Variants in NR1H4 observed in about 807,000 individuals in gnomAD.
NR1H4 encodes the protein nuclear receptor subfamily 1 group H member 4, also known as bile acid receptor.
Under a neutral mutation model 58.5 loss-of-function variants are expected in NR1H4, and 23 were observed. The ratio of observed to expected loss-of-function variants is 0.39; its 90% CI spans 0.28 to 0.56. The LOEUF is 0.56. NR1H4 is among the 20% of genes least tolerant of loss of function. The pLI is 0.58. For missense variants in NR1H4, 487 were observed against 576.9 expected, an observed-to-expected ratio of 0.84 and a Z score of 1.60; for synonymous variants, 214 against 198.0, an observed-to-expected ratio of 1.08 and a Z score of -0.68.
intron 4 of NR1H4, among the ~76,000 whole-genome samples, chr12:100,515,909 G>A (rs190144529): frequency 6.6e-6 from 1 of 152,198 alleles, no homozygotes; most frequent in South Asian, 2.1e-4. Flanking sequence ...TGGACCAGCA[G>A]TATCAGTATC....
At chr12:100,475,151 ATCTATCT>A (rs1318431961) in intron 1 of NR1H4, among the ~76,000 whole-genome samples, 2 of 142,334 alleles carry the variant, frequency 1.4e-5, no homozygotes, top group Admixed American at 6.7e-5. Flanking sequence ...CTATCTATCT[ATCTATCT>A]AAATTTTTTT....
chr12:100,527,177 G>C (rs1954579760), intron 4 of NR1H4, among the ~76,000 whole-genome samples: 1 of 152,202 alleles, frequency 6.6e-6, no homozygotes, highest in Admixed American at 6.5e-5. Context: ...CATGTCTCAA[G>C]ATAATTTTTA....
At chr12:100,477,461 T>C (rs767715918) in intron 1 of NR1H4, among the ~76,000 whole-genome samples, 6 of 152,338 alleles carry the variant, frequency 3.9e-5, no homozygotes, top group Non-Finnish European at 7.3e-5. Context: ...TTCCCAGGTC[T>C]CAATGAACCT....
chr12:100,511,057 G>A lies in NR1H4; in HGVS notation c.359G>A (p.Arg120Lys), dbSNP rs757416710. The change falls in exon 4 of 11, where the codon AGG becomes AAG. Residue 120 changes from arginine (R) to lysine (K), a missense_variant. Transcript: ENST00000392986. ...CCCCGCATGGGCGCGTCAGCAGGGA[G>A]GATCAAAGGGGATGAGCTGTGTGTT... ...KKPRMGASAG[R>K]IKGDELCVVC... 6.2e-7 allele frequency: 1 copy of A among 1,614,248 alleles called. No homozygotes were observed. The highest frequency in any genetic ancestry group is 2.2e-5 in the East Asian group (1 of 44,886).
At chr12:100,555,312 T>C (rs1272873231) in intron 9 of NR1H4, among the ~76,000 whole-genome samples, 2 of 152,152 alleles carry the variant, frequency 1.3e-5, no homozygotes, top group African/African-American at 4.8e-5. Context: ...GAAGAAAGCA[T>C]AAAGATTGAC....
chr12:100,522,744 A>T (rs917000040), intron 4 of NR1H4, among the ~76,000 whole-genome samples: 1 of 152,058 alleles, frequency 6.6e-6, no homozygotes. Flanking sequence ...AGTCTATTAT[A>T]CACTCTGTAT....
At chr12:100,556,469 AAG>A (rs1229666314) in intron 9 of NR1H4, among the ~76,000 whole-genome samples, 26 of 149,834 alleles carry the variant, frequency 1.7e-4, no homozygotes, top group Non-Finnish European at 2.5e-4. Context: ...CTCCGTCTCA[AAG>A]AAAAAAAAAA....
rs199813041 is a variant in NR1H4, at chr12:100,513,801, AAAGGAAGGAAGGAAGGAAGGAAGGAAGG to A, written c.445+2701_445+2728del. ...CAGAGCGAGACTCCGTCAAAGACAGAAAGGAAGGAAGGAAGGAAGGAAGGAAGGAAGGAAGGAAGGAAGGAAGGAAGGA... is the reference window on the plus strand; with the variant it reads ...CAGAGCGAGACTCCGTCAAAGACAGAAAGGAAGGAAGGAAGGAAGGAAGGA... On this transcript the variant is annotated intron_variant, in intron 4 of 10. Transcript: ENST00000392986. Among the ~76,000 whole-genome samples, 480 of 115,990 alleles carry A rather than the reference AAAGGAAGGAAGGAAGGAAGGAAGGAAGG, an allele frequency of 4.1e-3. 3 individuals carry two copies. Among genetic ancestry groups the A allele is most frequent in the East Asian group, 0.019 (85 of 4,488 alleles). The allele number at this position is 115,990 out of a possible 152,430, so 76.1% of individuals were successfully genotyped here.
Position 100,563,510 on chromosome 12 carries a change from T to A in NR1H4, c.*21T>A, listed in dbSNP as rs768665249. Reference sequence around the variant, plus strand: ...AGTGATGGGGATTACAGGGGAGGGGTCTAGCTCCTTTTTCTCTCTCATATT... The same window carrying A: ...AGTGATGGGGATTACAGGGGAGGGGACTAGCTCCTTTTTCTCTCTCATATT... On this transcript the variant is annotated 3_prime_UTR_variant, in exon 11 of 11. Coordinates refer to ENST00000392986, the MANE Select transcript of NR1H4 (RefSeq NM_001206979.2). The A allele has an allele frequency of 6.4e-7, 1 of 1,562,832 alleles. No homozygotes were observed. The highest frequency in any genetic ancestry group is 1.1e-5 in the South Asian group (1 of 90,022).
chr12:100,480,523 C>G (rs976120044), intron 1 of NR1H4, among the ~76,000 whole-genome samples: 1 of 152,100 alleles, frequency 6.6e-6, no homozygotes, highest in Non-Finnish European at 1.5e-5. Context: ...AACAGGACCC[C>G]CATCTTCCCA....
At chr12:100,557,275 A>G (rs912096972) in intron 9 of NR1H4, among the ~76,000 whole-genome samples, 9 of 152,220 alleles carry the variant, frequency 5.9e-5, no homozygotes, top group Non-Finnish European at 1.0e-4. Flanking sequence ...TCACATGGTG[A>G]GACAGGGAGA....
chr12:100,530,492 G>C (rs1022725817), intron 4 of NR1H4, among the ~76,000 whole-genome samples: 2 of 152,200 alleles, frequency 1.3e-5, no homozygotes, highest in African/African-American at 4.8e-5. Flanking sequence ...AATTTTGACA[G>C]AGACATGAAG....
At chr12:100,542,395 A>G (rs189718623) in intron 9 of NR1H4, among the ~76,000 whole-genome samples, 56 of 152,284 alleles carry the variant, frequency 3.7e-4, no homozygotes, top group Admixed American at 9.2e-4. Flanking sequence ...AGTACCTCTC[A>G]AGAGACGAGA....
At chr12:100,518,980 G>T (rs1184841661) in intron 4 of NR1H4, among the ~76,000 whole-genome samples, 10 of 151,770 alleles carry the variant, frequency 6.6e-5, no homozygotes, top group Non-Finnish European at 1.3e-4. Context: ...TAGAGACGGG[G>T]TTTCACCATG....
intron 9 of NR1H4, among the ~76,000 whole-genome samples, chr12:100,555,290 T>A (rs1373741963): frequency 6.6e-6 from 1 of 152,058 alleles, no homozygotes; most frequent in Admixed American, 6.5e-5. Flanking sequence ...AGGAGTGTAG[T>A]CTCTGAATGC....
chr12:100,491,253 A>G (rs1222021117), intron 1 of NR1H4, among the ~76,000 whole-genome samples: 1 of 151,968 alleles, frequency 6.6e-6, no homozygotes, highest in Non-Finnish European at 1.5e-5. Flanking sequence ...TTTTGTGTCC[A>G]TGGGGCAGAG....
At chr12:100,521,021 A>G (rs1330915022) in intron 4 of NR1H4, among the ~76,000 whole-genome samples, 10 of 152,112 alleles carry the variant, frequency 6.6e-5, no homozygotes, top group South Asian at 2.1e-4. Flanking sequence ...TTTATATTAC[A>G]TTATATTATA....
At chr12:100,516,433 G>C (rs1240255874) in intron 4 of NR1H4, among the ~76,000 whole-genome samples, 2 of 151,574 alleles carry the variant, frequency 1.3e-5, no homozygotes, top group Admixed American at 1.3e-4. Context: ...GCAGTGGCGC[G>C]ATCTCAGCTC....
intron 4 of NR1H4, among the ~76,000 whole-genome samples, chr12:100,512,690 T>G (rs1305769411): frequency 2.4e-4 from 36 of 151,850 alleles, no homozygotes; most frequent in East Asian, 3.9e-4. Context: ...CTGTCTCAAC[T>G]AAGGCACAGA....
Sources: allele counts gnomAD v4.1 joint callset (sites outside exome capture counted in the v4.1 genomes callset), GRCh38; gene constraint gnomAD v4.1.1; transcripts MANE v1.5; gene names NCBI Gene and HGNC (gene_info 2026-07-23, HGNC 2026-07-21).